The following SYNE1 variants were observed in gnomAD, a reference collection of about 807,000 sequenced individuals.
SYNE1 encodes nesprin-1.
In SYNE1, 616 loss-of-function variants were observed where a neutral mutation model predicts 1,111.0. The ratio of observed to expected loss-of-function variants is 0.55; its 90% CI spans 0.52 to 0.59. The LOEUF (loss-of-function observed/expected upper bound fraction) is 0.59. SYNE1 is among the 20% of genes least tolerant of loss of function. The pLI is 0.00. For synonymous variants in SYNE1, 3,855 were observed against 3,825.8 expected, an observed-to-expected ratio of 1.01 and a Z score of -0.28; for missense variants, 10,006 against 10,417.0, an observed-to-expected ratio of 0.96 and a Z score of 1.72.
rs1455893522 is a variant in SYNE1 at position 152,128,215 on chromosome 6, T to C, written c.26153+2505A>G. On this transcript the variant is annotated intron_variant, in intron 145 of 145. Coordinates refer to ENST00000367255, the MANE Select transcript of SYNE1 (RefSeq NM_182961.4). ...AGTACCAGCTAGACCATCATAAGCA[T>C]TTGCTTTGAAAGCATGCTTCTAAAG... 2.0e-5 allele frequency: 3 copies of C among 152,214 alleles called. No individual in the cohort carries two copies. The East Asian group carries it at 5.8e-4, about 29-fold the overall frequency. 9.4% of individuals were successfully genotyped at this position (152,214 alleles called of 1,614,324 possible).
intron 127 of SYNE1, among the ~76,000 whole-genome samples, chr6:152,197,620 C>T (rs149610133): frequency 1.3e-5 from 2 of 152,162 alleles, no homozygotes; most frequent in African/African-American, 4.8e-5. Context: ...AGGGTGACTA[C>T]GTGCATTATC....
intron 22 of SYNE1, among the ~76,000 whole-genome samples, chr6:152,457,159 GATA>G (rs370468057): frequency 6.6e-6 from 1 of 151,258 alleles, no homozygotes; most frequent in Admixed American, 6.6e-5. Flanking sequence ...CTTCACTACA[GATA>G]ATAATAATAA....
At chr6:152,569,656 G>A (rs1213262059) in intron 3 of SYNE1, among the ~76,000 whole-genome samples, 3 of 152,032 alleles carry the variant, frequency 2.0e-5, no homozygotes, top group African/African-American at 7.2e-5. Context: ...AGAAATGGAG[G>A]AAGAAAAAAG....
rs186120740 is a variant in SYNE1 at position 152,398,771 on chromosome 6, A to T, written c.7238-40T>A. 4.6e-6 allele frequency: 7 copies of T among 1,536,792 alleles called. No homozygotes were observed. In the East Asian group the frequency reaches 1.7e-4, roughly 36 times the overall value. ...AATAAATAAATAAAAATAAAAAATC[A>T]GAAGCAAATCCAAAACATTGAATGG... On this transcript the variant is annotated intron_variant, in intron 48 of 145. Transcript: ENST00000367255.
Position 152,143,974 on chromosome 6 carries a change from T to C in SYNE1, c.24977-209A>G, listed in dbSNP as rs975720106. The C allele has an allele frequency of 9.2e-5, 61 of 659,486 alleles. No homozygotes were observed. The East Asian group carries it at 1.8e-3, about 20-fold the overall frequency. 40.9% of individuals were successfully genotyped at this position (659,486 alleles called of 1,614,324 possible). On this transcript the variant is annotated intron_variant, in intron 137 of 145. Coordinates refer to ENST00000367255, the MANE Select transcript of SYNE1 (RefSeq NM_182961.4). ...AATGAAGGTGCTTGACTGAGAGCCC[T>C]AGCAGATCGGACGTCGCAAAACGGC...
chr6:152,221,430 T>C lies in SYNE1; in HGVS notation c.21652A>G (p.Met7218Val), dbSNP rs763768133. The C allele has an allele frequency of 1.1e-5, 17 of 1,613,848 alleles. No individual in the cohort carries two copies. The highest frequency in any genetic ancestry group is 6.7e-5 in the Admixed American group (4 of 59,998). ...TAAAGTTAACATACTCCATACCTCA[T>C]GTTGACTTCTTTCAGTGTATTGGTA... ...TLTNTLKEVN[M>V]RWNNLLEEIA... Residue 7218 changes from methionine (M) to valine (V), a missense_variant, in exon 118 of 146, where the codon ATG becomes GTG. By Grantham distance (21) the Met-to-Val change is conservative (BLOSUM62 1). Around this residue, in one of 7 missense-constraint regions of SYNE1, gnomAD observed 2,182 missense variants for 2,287.8 expected, o/e 0.95. Transcript: ENST00000367255.
At chr6:152,128,974 A>G (rs758200987) in intron 145 of SYNE1, 1 of 152,260 alleles carries the variant, frequency 6.6e-6, no homozygotes, top group Non-Finnish European at 1.5e-5. Flanking sequence ...AAGATTATTT[A>G]TGTTCCAGTC....
intron 131 of SYNE1, among the ~76,000 whole-genome samples, chr6:152,161,292 T>C (rs141522081): frequency 3.0e-4 from 44 of 148,656 alleles, no homozygotes; most frequent in African/African-American, 1.1e-3. Context: ...ATTACATTAC[T>C]ACTATGGTAA....
At chr6:152,130,041 C>T (rs1201749694) in intron 145 of SYNE1, among the ~76,000 whole-genome samples, 2 of 152,028 alleles carry the variant, frequency 1.3e-5, no homozygotes, top group African/African-American at 2.4e-5. Context: ...AGGCAGGAAG[C>T]GCGGAGTGGC....
chr6:152,331,866 G>T lies in SYNE1; in HGVS notation c.12819C>A (p.Val4273=). 6.2e-7 allele frequency: 1 copy of T among 1,612,804 alleles called. No homozygotes were observed. Among genetic ancestry groups the T allele is most frequent in the East Asian group, 2.2e-5 (1 of 44,886 alleles). Residue 4273 remains valine, a synonymous_variant, in exon 78 of 146, where the codon GTC becomes GTA. Transcript: ENST00000367255. ...LARSDAESTA[V]HLEALKKLAL... The stretch of plus-strand genomic sequence containing the variant: ...CTAACTTTTTCAAAGCTTCCAGGTG[G>T]ACAGCTGTACTCTCTGCATCAGATC...
chr6:152,603,902 A>C (rs1272891915), intron 3 of SYNE1, among the ~76,000 whole-genome samples: 2 of 147,164 alleles, frequency 1.4e-5, no homozygotes, highest in Non-Finnish European at 3.0e-5. Flanking sequence ...GTATAGATAG[A>C]TATACTATCT....
intron 3 of SYNE1, among the ~76,000 whole-genome samples, chr6:152,543,782 T>C (rs1308427369): frequency 1.3e-5 from 2 of 152,328 alleles, no homozygotes; most frequent in Non-Finnish European, 2.9e-5. Context: ...TTAGACATGT[T>C]CAGATACACA....
chr6:152,237,203 T>C (rs2084334956), intron 108 of SYNE1, among the ~76,000 whole-genome samples: 1 of 152,170 alleles, frequency 6.6e-6, no homozygotes, highest in Admixed American at 6.6e-5. Context: ...CTAAACTCTG[T>C]ACCTCTTTTC....
chr6:152,194,011 G>GAA (rs139484534), intron 127 of SYNE1, among the ~76,000 whole-genome samples: 9 of 134,186 alleles, frequency 6.7e-5, no homozygotes, highest in Non-Finnish European at 1.4e-4. Flanking sequence ...AGACTGTCTC[G>GAA]AAAAAAAAAA....
chr6:152,514,869 T>C (rs1027506128), intron 6 of SYNE1, among the ~76,000 whole-genome samples: 5 of 152,070 alleles, frequency 3.3e-5, no homozygotes, highest in African/African-American at 1.2e-4. Context: ...AGCCACCCAG[T>C]CTGTGATACT....
intron 115 of SYNE1, 119 bp from the exon 116 acceptor site, chr6:152,225,995 T>C: frequency 2.0e-6 from 2 of 1,009,106 alleles, no homozygotes; most frequent in Non-Finnish European, 2.9e-6. Flanking sequence ...AAAAAGCTTA[T>C]CTCTTTCAGA....
chr6:152,294,252 C>T, intron 93 of SYNE1, 125 bp from the exon 94 acceptor site: 1 of 897,076 alleles, frequency 1.1e-6, no homozygotes, highest in Non-Finnish European at 1.7e-6. Flanking sequence ...GCACTACAAA[C>T]TAGTAAATTA....
chr6:152,569,941 C>T (rs1038779280), intron 3 of SYNE1, among the ~76,000 whole-genome samples: 1 of 152,118 alleles, frequency 6.6e-6, no homozygotes, highest in Non-Finnish European at 1.5e-5. Flanking sequence ...GATCTGAATA[C>T]GATCTTAGCC....
intron 3 of SYNE1, among the ~76,000 whole-genome samples, chr6:152,579,906 T>C (rs1486076185): frequency 6.6e-6 from 1 of 152,232 alleles, no homozygotes; most frequent in African/African-American, 2.4e-5. Context: ...CCACATTTTC[T>C]TTGCCCAGTC....
Sources: allele counts gnomAD v4.1 joint callset (sites outside exome capture counted in the v4.1 genomes callset), GRCh38; gene constraint gnomAD v4.1.1; regional missense constraint gnomAD v4.1.1; transcripts MANE v1.5; gene names NCBI Gene and HGNC (gene_info 2026-07-23, HGNC 2026-07-21).